The following FOXN3 variants were observed in gnomAD, a reference collection of about 807,000 sequenced individuals.
FOXN3 encodes forkhead box protein N3.
FOXN3 carries 7 observed loss-of-function variants against 38.4 expected under a neutral mutation model. That is an observed-to-expected ratio of 0.18 (90% CI 0.10 to 0.34). The LOEUF is 0.34. FOXN3 is among the 10% of genes least tolerant of loss of function. FOXN3 has a pLI of 1.00. For missense variants in FOXN3, 456 were observed against 613.4 expected (o/e 0.74, Z 2.71); for synonymous variants, 230 against 242.2 (o/e 0.95, Z 0.47).
chr14:89,341,184 A>C (rs1441346074), intron 3 of FOXN3, among the ~76,000 whole-genome samples: 1 of 152,080 alleles, frequency 6.6e-6, no homozygotes, highest in South Asian at 2.1e-4. Context: ...AGCTCATTCT[A>C]CCTTCATCCC....
At chr14:89,492,001 A>G (rs1379692475) in intron 1 of FOXN3, among the ~76,000 whole-genome samples, 2 of 152,172 alleles carry the variant, frequency 1.3e-5, no homozygotes, top group Admixed American at 6.5e-5. Flanking sequence ...ACTGGAAAAT[A>G]TTTCTGTATG....
chr14:89,246,037 T>G (rs1459572683), intron 4 of FOXN3, among the ~76,000 whole-genome samples: 1 of 152,048 alleles, frequency 6.6e-6, no homozygotes, highest in African/African-American at 2.4e-5. Context: ...GGGTACAGGG[T>G]TTTTCCCCCG....
chr14:89,553,196 G>A (rs938187796), intron 1 of FOXN3, among the ~76,000 whole-genome samples: 3 of 140,356 alleles, frequency 2.1e-5, no homozygotes, highest in South Asian at 4.4e-4. Flanking sequence ...CAGTGATGTC[G>A]CCACTGCATT....
chr14:89,344,415 A>C (rs923490902), intron 3 of FOXN3, among the ~76,000 whole-genome samples: 2 of 152,222 alleles, frequency 1.3e-5, no homozygotes, highest in African/African-American at 4.8e-5. Context: ...TCTGAAAACC[A>C]ATCATCCAGG....
chr14:89,295,589 C>CT (rs373235040), intron 3 of FOXN3, among the ~76,000 whole-genome samples: 11 of 150,958 alleles, frequency 7.3e-5, no homozygotes, highest in Middle Eastern at 3.4e-3. Context: ...TTTTTTTTTC[C>CT]TTTTTTTTGA....
chr14:89,268,999 G>A (rs1156941238), intron 4 of FOXN3, among the ~76,000 whole-genome samples: 1 of 152,176 alleles, frequency 6.6e-6, no homozygotes, highest in Admixed American at 6.5e-5. Context: ...ATACACAAAT[G>A]ATCAGCACAC....
At chr14:89,220,612 G>A (rs1187243412) in intron 4 of FOXN3, among the ~76,000 whole-genome samples, 1 of 152,160 alleles carries the variant, frequency 6.6e-6, no homozygotes, top group African/African-American at 2.4e-5. Context: ...TTCATGGGCT[G>A]GATCGGGAAG....
rs141705361 is a variant in FOXN3, at chr14:89,523,849, A to G, written c.-15+95179T>C. On this transcript the variant is annotated intron_variant, in intron 1 of 6. Transcript: ENST00000345097. ...GCAATCTCAGCTCACTGCAACCTCT[A>G]CCTCCCGGGTTCAAGCAATTGTCCT... 9.4e-3 allele frequency among the ~76,000 whole-genome samples: 1,418 copies of G among 151,340 alleles called. 22 individuals are homozygous for G. The highest frequency in any genetic ancestry group is 0.032 in the African/African-American group (1,335 of 41,262).
At chr14:89,269,041 G>GT (rs1472976978) in intron 4 of FOXN3, among the ~76,000 whole-genome samples, 1 of 152,176 alleles carries the variant, frequency 6.6e-6, no homozygotes, top group African/African-American at 2.4e-5. Flanking sequence ...CAGCCTTCTT[G>GT]TTTCTTATCA....
chr14:89,509,848 A>T (rs1894020494), intron 1 of FOXN3, among the ~76,000 whole-genome samples: 1 of 152,262 alleles, frequency 6.6e-6, no homozygotes, highest in Admixed American at 6.5e-5. Context: ...AAATAGTTTT[A>T]ATCTGAATAA....
chr14:89,200,862 C>A (rs756661746), intron 4 of FOXN3, among the ~76,000 whole-genome samples: 1 of 152,130 alleles, frequency 6.6e-6, no homozygotes, highest in Non-Finnish European at 1.5e-5. Context: ...ACCAGTTGAT[C>A]AAAATCTTTC....
chr14:89,585,790 A>G (rs1895829884), intron 1 of FOXN3, among the ~76,000 whole-genome samples: 1 of 151,976 alleles, frequency 6.6e-6, no homozygotes, highest in Non-Finnish European at 1.5e-5. Context: ...AGGAAGAAAG[A>G]AAGAAAGAAA....
chr14:89,465,214 C>A (rs1463411348), intron 1 of FOXN3, among the ~76,000 whole-genome samples: 5 of 61,444 alleles, frequency 8.1e-5, no homozygotes, highest in African/African-American at 2.5e-4. Flanking sequence ...CAGTCTCTGG[C>A]ATGTCTTTGT....
chr14:89,228,953 C>T (rs1178233641), intron 4 of FOXN3, among the ~76,000 whole-genome samples: 1 of 152,204 alleles, frequency 6.6e-6, no homozygotes, highest in Non-Finnish European at 1.5e-5. Context: ...TGCTTCCCCT[C>T]CCGCCTCTTT....
Position 89,442,343 on chromosome 14 carries a change from C to A in FOXN3, c.-14-29853G>T, listed in dbSNP as rs1038664109. On this transcript the variant is annotated intron_variant, in intron 1 of 6. Transcript: ENST00000345097. ...TAATAGTTGTCACTGTAAATTAATG[C>A]ACAGGCTTTCTGATTTGCTACACCT... is the stretch of plus-strand genomic sequence containing the variant. 5.3e-5 allele frequency among the ~76,000 whole-genome samples: 8 copies of A among 152,282 alleles called. No homozygotes were observed. In the East Asian group the frequency reaches 1.5e-3, roughly 29 times the overall value.
At chr14:89,471,818 A>G (rs1893101361) in intron 1 of FOXN3, among the ~76,000 whole-genome samples, 1 of 151,896 alleles carries the variant, frequency 6.6e-6, no homozygotes, top group Non-Finnish European at 1.5e-5. Flanking sequence ...AACTTTAGGA[A>G]CCAGCACCTG....
intron 1 of FOXN3, among the ~76,000 whole-genome samples, chr14:89,426,317 C>G (rs1451902684): frequency 6.7e-6 from 1 of 149,842 alleles, no homozygotes; most frequent in Non-Finnish European, 1.5e-5. Flanking sequence ...CTCTGCCTCC[C>G]AGGTTCAAGT....
chr14:89,202,396 A>G (rs1888258389), intron 4 of FOXN3, among the ~76,000 whole-genome samples: 1 of 152,112 alleles, frequency 6.6e-6, no homozygotes, highest in Non-Finnish European at 1.5e-5. Context: ...GCCATAAACC[A>G]CTGTTCTGCT....
intron 1 of FOXN3, among the ~76,000 whole-genome samples, chr14:89,531,455 T>C (rs1894567330): frequency 6.6e-6 from 1 of 152,212 alleles, no homozygotes; most frequent in Non-Finnish European, 1.5e-5. Flanking sequence ...AAGGTCAGAC[T>C]GACCTCAGTT....
Sources: gnomAD v4.1 joint callset for allele counts (sites outside exome capture counted in the v4.1 genomes callset) on GRCh38, gnomAD v4.1.1 for gene constraint, MANE v1.5 for transcripts, NCBI Gene and HGNC (gene_info 2026-07-23, HGNC 2026-07-21) for gene names.